Variants in GULP1 observed in about 807,000 individuals in gnomAD.
GULP1 encodes PTB domain-containing engulfment adapter protein 1.
Under a neutral mutation model 40.9 loss-of-function variants are expected in GULP1, and 19 were observed. The observed-to-expected ratio is 0.46, with a 90% CI of 0.32 to 0.68. GULP1 has a LOEUF of 0.68. GULP1 is among the 30% of genes least tolerant of loss of function. The pLI is 0.03. For missense variants in GULP1, 312 were observed against 362.2 expected, an observed-to-expected ratio of 0.86 and a Z score of 1.12; for synonymous variants, 119 against 117.6, an observed-to-expected ratio of 1.01 and a Z score of -0.08.
At chr2:188,362,836 A>G (rs896755698) in intron 1 of GULP1, among the ~76,000 whole-genome samples, 4 of 152,092 alleles carry the variant, frequency 2.6e-5, no homozygotes, top group African/African-American at 9.7e-5. Context: ...TTCAATGCAC[A>G]CAGTGGCTTT....
At chr2:188,518,571 T>C (rs2153223592) in intron 4 of GULP1, among the ~76,000 whole-genome samples, 2 of 152,286 alleles carry the variant, frequency 1.3e-5, no homozygotes. Flanking sequence ...CAAGGTGACT[T>C]TGACTTCATT....
chr2:188,362,793 A>G (rs948500389), intron 1 of GULP1, among the ~76,000 whole-genome samples: 1 of 151,998 alleles, frequency 6.6e-6, no homozygotes, highest in African/African-American at 2.4e-5. Context: ...GATGGATCAT[A>G]CTGGCCAAGA....
At chr2:188,588,876 C>T (rs1033553847) in intron 11 of GULP1, 1 of 152,054 alleles carries the variant, frequency 6.6e-6, no homozygotes, top group African/African-American at 2.4e-5. Context: ...TGCCCTTTTA[C>T]TCATTTTTGA....
At chr2:188,553,435 C>T (rs1309373429) in intron 7 of GULP1, among the ~76,000 whole-genome samples, 1 of 151,798 alleles carries the variant, frequency 6.6e-6, no homozygotes, top group Non-Finnish European at 1.5e-5. Flanking sequence ...ATTTTTTGTC[C>T]TTCATTCCAT....
At chr2:188,469,197 C>T (rs995889953) in intron 2 of GULP1, among the ~76,000 whole-genome samples, 34 of 152,218 alleles carry the variant, frequency 2.2e-4, no homozygotes, top group African/African-American at 7.9e-4. Flanking sequence ...AACAGTTCAG[C>T]TAATCATTTA....
intron 2 of GULP1, among the ~76,000 whole-genome samples, chr2:188,405,641 T>G (rs191679563): frequency 6.6e-6 from 1 of 152,322 alleles, no homozygotes; most frequent in East Asian, 1.9e-4. Flanking sequence ...AACAGCTCCA[T>G]GCCAGTGGAT....
At chr2:188,549,855 C>T (rs970039206) in intron 7 of GULP1, among the ~76,000 whole-genome samples, 1 of 151,686 alleles carries the variant, frequency 6.6e-6, no homozygotes, top group African/African-American at 2.4e-5. Flanking sequence ...CCTGTGTACT[C>T]TATGATTCCA....
intron 1 of GULP1, among the ~76,000 whole-genome samples, chr2:188,358,131 A>G (rs956483773): frequency 1.2e-4 from 19 of 152,166 alleles, no homozygotes; most frequent in Non-Finnish European, 2.2e-4. Flanking sequence ...CAGTGAGCCA[A>G]GATTGCTCCA....
At chr2:188,555,759 A>T (rs1450761464) in intron 7 of GULP1, among the ~76,000 whole-genome samples, 1 of 152,088 alleles carries the variant, frequency 6.6e-6, no homozygotes, top group Non-Finnish European at 1.5e-5. Flanking sequence ...CTCCTGCTAG[A>T]CTTAGAGAGT....
intron 2 of GULP1, among the ~76,000 whole-genome samples, chr2:188,456,269 G>A (rs1048298544): frequency 6.6e-6 from 1 of 152,124 alleles, no homozygotes; most frequent in Non-Finnish European, 1.5e-5. Flanking sequence ...ATGTCTCCAG[G>A]GCATGTCAGA....
At chr2:188,309,355 A>G (rs1192991762) in intron 1 of GULP1, among the ~76,000 whole-genome samples, 1 of 152,024 alleles carries the variant, frequency 6.6e-6, no homozygotes, top group Non-Finnish European at 1.5e-5. Context: ...GGTCCCAGCT[A>G]CTCAGGAGGC....
At chr2:188,453,241 A>G (rs1447738174) in intron 2 of GULP1, among the ~76,000 whole-genome samples, 1 of 152,236 alleles carries the variant, frequency 6.6e-6, no homozygotes, top group African/African-American at 2.4e-5. Context: ...TTATGTGTTA[A>G]TATAGATATA....
chr2:188,421,004 T>C (rs1188228466), intron 2 of GULP1, among the ~76,000 whole-genome samples: 2 of 152,106 alleles, frequency 1.3e-5, no homozygotes, highest in Non-Finnish European at 2.9e-5. Flanking sequence ...TCATTTCCTC[T>C]CCAGATAGTT....
At chr2:188,376,983 C>G (rs916830683) in intron 1 of GULP1, among the ~76,000 whole-genome samples, 1 of 152,014 alleles carries the variant, frequency 6.6e-6, no homozygotes, top group Non-Finnish European at 1.5e-5. Context: ...ACCAGCCTGC[C>G]CAACATAGTG....
intron 2 of GULP1, among the ~76,000 whole-genome samples, chr2:188,393,608 T>G (rs1174206014): frequency 2.0e-5 from 3 of 152,078 alleles, no homozygotes; most frequent in African/African-American, 7.2e-5. Context: ...CCGTTCCAGT[T>G]ATTATGTTGA....
intron 1 of GULP1, chr2:188,297,571 A>T (rs1317728266): frequency 1.6e-5 from 7 of 427,140 alleles, no homozygotes; most frequent in Non-Finnish European, 2.3e-5. Context: ...AGATCCTTGA[A>T]GTTCCTGGGG....
chr2:188,367,017 TTTTA>T (rs2046892637), intron 1 of GULP1, among the ~76,000 whole-genome samples: 2 of 152,208 alleles, frequency 1.3e-5, no homozygotes, highest in African/African-American at 4.8e-5. Context: ...GTGCACATAT[TTTTA>T]TTTGTTGTAG....
At chr2:188,445,018 T>G (rs1485322355) in intron 2 of GULP1, among the ~76,000 whole-genome samples, 1 of 152,162 alleles carries the variant, frequency 6.6e-6, no homozygotes, top group African/African-American at 2.4e-5. Flanking sequence ...TTCTGCCAAA[T>G]TTATAATAAA....
At chr2:188,535,559 TACC>T (rs1488202589) in intron 6 of GULP1, among the ~76,000 whole-genome samples, 1 of 152,140 alleles carries the variant, frequency 6.6e-6, no homozygotes. Context: ...GGTACATATG[TACC>T]ACATTTTCTT....
Sources: allele counts gnomAD v4.1 joint callset (sites outside exome capture counted in the v4.1 genomes callset), GRCh38; gene constraint gnomAD v4.1.1; transcripts MANE v1.5; gene names NCBI Gene and HGNC (gene_info 2026-07-23, HGNC 2026-07-21).